The following SUPT20H variants were observed in gnomAD, a reference collection of about 807,000 sequenced individuals.
SUPT20H encodes transcription factor SPT20 homolog.
Under a neutral mutation model 122.8 loss-of-function variants are expected in SUPT20H, and 82 were observed. That is an observed-to-expected ratio of 0.67 (90% CI 0.56 to 0.80). The LOEUF (loss-of-function observed/expected upper bound fraction) is 0.80, where lower values mean the gene tolerates loss of function less well. SUPT20H is among the 30% of genes least tolerant of loss of function. SUPT20H has a pLI of 0.00. For missense variants in SUPT20H, 831 were observed against 921.6 expected (o/e 0.90, Z 1.27); for synonymous variants, 291 against 313.0 (o/e 0.93, Z 0.74).
intron 9 of SUPT20H, 144 bp downstream of exon 9, chr13:37,040,261 T>A: frequency 1.4e-6 from 1 of 732,774 alleles, no homozygotes; most frequent in Non-Finnish European, 2.1e-6. Context: ...AACTTCTAGA[T>A]CTTATAAAGG....
At position 37,045,437 on chromosome 13, in the gene SUPT20H, G is replaced by C. The variant is rs2138890444; in HGVS notation, c.166-64C>G. On this transcript the variant is annotated intron_variant, in intron 5 of 25. Transcript: ENST00000350612. Reference sequence around the variant, plus strand: ...GTATAACCTTAACAAATAATGCTATGATTTAACAAAATCAGGCTTGAATTA... The same window carrying C: ...GTATAACCTTAACAAATAATGCTATCATTTAACAAAATCAGGCTTGAATTA... 8 of 1,572,474 alleles carry C rather than the reference G, an allele frequency of 5.1e-6. 1 individual carries two copies. In the South Asian group the frequency reaches 7.0e-5, roughly 14 times the overall value.
chr13:37,015,282 A>G (rs2060251601), intron 23 of SUPT20H, among the ~76,000 whole-genome samples: 2 of 151,930 alleles, frequency 1.3e-5, no homozygotes, highest in Admixed American at 1.3e-4. Context: ...TGAAGAATGA[A>G]GAACTCCTAC....
intron 1 of SUPT20H, among the ~76,000 whole-genome samples, chr13:37,052,379 A>T (rs1267504047): frequency 6.6e-6 from 1 of 152,166 alleles, no homozygotes; most frequent in Non-Finnish European, 1.5e-5. Context: ...ACACATCTAC[A>T]ACCATCTAAT....
At chr13:37,036,292 A>G (rs1015146594) in intron 9 of SUPT20H, among the ~76,000 whole-genome samples, 2 of 151,506 alleles carry the variant, frequency 1.3e-5, no homozygotes, top group African/African-American at 4.8e-5. Context: ...CCTGAACAAC[A>G]TGGATTTGAA....
In SUPT20H at chr13:37,009,639, T is replaced by C. The variant is rs11559100; in HGVS notation, c.*33A>G. 15 of 1,612,722 alleles carry C rather than the reference T, an allele frequency of 9.3e-6. No homozygotes were observed. The highest frequency in any genetic ancestry group is 1.3e-5 in the Non-Finnish European group (15 of 1,179,384). Reference sequence around the variant, plus strand: ...ATTCTTTTGATTCAGTGCTCTTGTGTTTTTAAAAAAGGAACAAAAAGTAAT... The same window carrying C: ...ATTCTTTTGATTCAGTGCTCTTGTGCTTTTAAAAAAGGAACAAAAAGTAAT... On this transcript the variant is annotated 3_prime_UTR_variant, in exon 26 of 26. Coordinates refer to ENST00000350612, the MANE Select transcript of SUPT20H (RefSeq NM_001014286.3).
intron 22 of SUPT20H, 34 bp downstream of exon 22, chr13:37,019,308 A>C (rs2061084245): frequency 6.5e-7 from 1 of 1,544,102 alleles, no homozygotes; most frequent in Non-Finnish European, 8.8e-7. Flanking sequence ...TCAATGTACA[A>C]AAAATTTAAT....
chr13:37,027,698 T>C (rs2062560557), intron 14 of SUPT20H, among the ~76,000 whole-genome samples: 1 of 152,198 alleles, frequency 6.6e-6, no homozygotes, highest in Non-Finnish European at 1.5e-5. Context: ...AGATCATCTA[T>C]ATTTTTATGT....
At chr13:37,021,388 A>C (rs1298187637) in intron 21 of SUPT20H, 60 bp downstream of exon 21, 1 of 1,460,448 alleles carries the variant, frequency 6.8e-7, no homozygotes, top group Non-Finnish European at 9.2e-7. Flanking sequence ...TTAAAATTAC[A>C]TTTTTACTTT....
chr13:37,053,263 G>C (rs958478209), intron 1 of SUPT20H, among the ~76,000 whole-genome samples: 7 of 152,068 alleles, frequency 4.6e-5, no homozygotes, highest in African/African-American at 1.7e-4. Flanking sequence ...ATGAAGACTT[G>C]GAACCAACCC....
intron 13 of SUPT20H, 54 bp from the exon 14 acceptor site, chr13:37,028,359 A>C: frequency 2.0e-6 from 3 of 1,513,412 alleles, no homozygotes; most frequent in Non-Finnish European, 2.7e-6. Context: ...GCAGGCAATA[A>C]GAATTAGTAA....
chr13:37,023,081 A>G (rs1288172683), intron 19 of SUPT20H: 2 of 1,272,264 alleles, frequency 1.6e-6, no homozygotes, highest in South Asian at 1.3e-5. Context: ...AATGTCCAGA[A>G]GCTGTCACTC....
rs751353824 is a variant in SUPT20H at position 37,024,205 on chromosome 13, TAA to T, written c.1433-14_1433-13del. The stretch of plus-strand genomic sequence containing the variant: ...TGTAAAATAGTTACCTAGAAGAACA[TAA>T]AAGTTATTTCCTAAATTTATAATTC... On this transcript the variant is annotated splice_polypyrimidine_tract_variant and intron_variant, in intron 18 of 25. Coordinates refer to ENST00000350612, the MANE Select transcript of SUPT20H (RefSeq NM_001014286.3). 7 of 1,594,642 alleles carry T rather than the reference TAA, an allele frequency of 4.4e-6. No individual in the cohort carries two copies. In the African/African-American group the frequency reaches 6.8e-5, roughly 15 times the overall value.
chr13:37,020,311 T>G lies in SUPT20H; in HGVS notation c.1817-914A>C, dbSNP rs182094243. Among the ~76,000 whole-genome samples, 170 of 152,276 alleles carry G rather than the reference T, an allele frequency of 1.1e-3. 1 individual carries two copies. Among genetic ancestry groups the G allele is most frequent in the Non-Finnish European group, 1.9e-3 (130 of 68,012 alleles). ...AAAATATCCCTTTCTGGAAAAATTC[T>G]CATTTAAGAAAATGGCTTAACCCCC... On this transcript the variant is annotated intron_variant, in intron 21 of 25. Transcript: ENST00000350612.
rs941567486 is a variant in SUPT20H, at chr13:37,045,368, T to C, written c.171A>G (p.Leu57=). ...TCTCTAACAAGTTCACATTTCTTCT[T>C]AATTTCTGCTTTAAAAAGAGGCAGA... ...ECEKEPEVKK[L]RRNVNLLEKL... is the part of the protein sequence containing the mutation. The change falls in exon 6 of 26, where the codon TTA becomes TTG. Residue 57 remains leucine, a synonymous_variant. Transcript: ENST00000350612. 1 of 1,613,144 alleles carries C rather than the reference T, an allele frequency of 6.2e-7. No individual in the cohort carries two copies. Among genetic ancestry groups the C allele is most frequent in the Non-Finnish European group, 8.5e-7 (1 of 1,179,566 alleles).
intron 1 of SUPT20H, among the ~76,000 whole-genome samples, chr13:37,053,040 G>A (rs2068088826): frequency 6.6e-6 from 1 of 152,210 alleles, no homozygotes; most frequent in African/African-American, 2.4e-5. Context: ...TGAGGCTGCA[G>A]AGAAACAGGA....
chr13:37,050,517 T>C (rs2067456026), intron 2 of SUPT20H, among the ~76,000 whole-genome samples: 1 of 152,272 alleles, frequency 6.6e-6, no homozygotes, highest in South Asian at 2.1e-4. Flanking sequence ...CTTTTAAATT[T>C]TGCCCATAAA....
chr13:37,039,577 C>G (rs9594186), intron 9 of SUPT20H: 4 of 152,192 alleles, frequency 2.6e-5, no homozygotes, highest in African/African-American at 9.7e-5. Context: ...CTAGAGACTT[C>G]TGCACCACAA....
rs1436233892 is a variant in SUPT20H, at chr13:37,029,751, C to A, written c.993+14G>T. On this transcript the variant is annotated intron_variant, in intron 13 of 25. Coordinates refer to ENST00000350612, the MANE Select transcript of SUPT20H (RefSeq NM_001014286.3). ...TGGCATAATTAGAAACAGAGACAGGCAATGATTTCTTACATGGGCTGGCCA... is the reference window on the plus strand; with the variant it reads ...TGGCATAATTAGAAACAGAGACAGGAAATGATTTCTTACATGGGCTGGCCA... 5 of 1,590,612 alleles carry A rather than the reference C, an allele frequency of 3.1e-6. No homozygotes were observed. The highest frequency in any genetic ancestry group is 4.3e-6 in the Non-Finnish European group (5 of 1,169,662).
Position 37,022,372 on chromosome 13 carries a change from T to C in SUPT20H, c.1592-292A>G, listed in dbSNP as rs1018043738. 15 of 1,347,390 alleles carry C rather than the reference T, an allele frequency of 1.1e-5. No homozygotes were observed. The highest frequency in any genetic ancestry group is 8.9e-5 in the African/African-American group (6 of 67,524). The allele number at this position is 1,347,390 out of a possible 1,614,324, so 83.5% of individuals were successfully genotyped here. On this transcript the variant is annotated intron_variant, in intron 19 of 25. Transcript: ENST00000350612. The surrounding 1 kb of genome is among the most constrained non-coding windows in gnomAD (Gnocchi z 4.5). ...GTTTGTTATAAATGGCCAGTCCTTT[T>C]AAAATAAGGTTAATGGAATCTTACT...
Sources: allele counts gnomAD v4.1 joint callset (sites outside exome capture counted in the v4.1 genomes callset), GRCh38; gene constraint gnomAD v4.1.1; non-coding constraint Gnocchi (gnomAD v3.1); transcripts MANE v1.5; gene names NCBI Gene and HGNC (gene_info 2026-07-23, HGNC 2026-07-21).